Variants in ME1 observed in about 807,000 individuals in gnomAD.
The protein encoded by ME1 is malic enzyme 1, also known as NADP-dependent malic enzyme.
A neutral mutation model predicts 66.4 loss-of-function variants in ME1; 74 were observed. The observed-to-expected ratio is 1.11, with a 90% CI of 0.92 to 1.35. ME1 has a LOEUF of 1.35. ME1 is among the 40% of genes most tolerant of loss of function. The pLI is 0.00. For synonymous variants in ME1, 251 were observed against 235.6 expected (o/e 1.07, Z -0.60); for missense variants, 750 against 694.1 (o/e 1.08, Z -0.90).
chr6:83,325,865 C>A (rs1356403670), intron 5 of ME1, among the ~76,000 whole-genome samples: 1 of 149,408 alleles, frequency 6.7e-6, no homozygotes, highest in Non-Finnish European at 1.5e-5. Context: ...GAAAAAACTA[C>A]TTTAAATTTC....
chr6:83,347,262 T>C (rs1382027479), intron 4 of ME1, among the ~76,000 whole-genome samples: 9 of 152,210 alleles, frequency 5.9e-5, no homozygotes, highest in Non-Finnish European at 1.3e-4. Flanking sequence ...GCCTGTTTAG[T>C]TTATTTCTAA....
intron 7 of ME1, among the ~76,000 whole-genome samples, chr6:83,247,134 C>T (rs1005924277): frequency 3.3e-5 from 5 of 151,974 alleles, no homozygotes; most frequent in African/African-American, 1.2e-4. Flanking sequence ...ACAAGTCAAA[C>T]TAGTTTATTA....
In ME1 at chr6:83,212,001, C is replaced by G; in HGVS notation, c.1642G>C (p.Asp548His). The stretch of plus-strand genomic sequence containing the variant: ...CAATCAGGTAGAATCTGGTCATAAT[C>G]AGTACTATACATCTGGGAGCGGACA... The part of the protein sequence containing the change: ...AFVRSQMYST[D>H]YDQILPDCYS... Residue 548 changes from aspartate (D) to histidine (H), a missense_variant, in exon 14 of 14, where the codon GAT becomes CAT. Asp to His is a moderately conservative substitution (Grantham distance 81). Transcript: ENST00000369705. 2.5e-6 allele frequency: 4 copies of G among 1,611,850 alleles called. No homozygotes were observed. Among genetic ancestry groups the G allele is most frequent in the Non-Finnish European group, 2.5e-6 (3 of 1,178,638 alleles).
chr6:83,363,872 T>A (rs1381958196), intron 3 of ME1, among the ~76,000 whole-genome samples: 1 of 152,236 alleles, frequency 6.6e-6, no homozygotes, highest in Non-Finnish European at 1.5e-5. Context: ...GGTTGGGGAT[T>A]GGTGCATTTC....
At chr6:83,237,875 T>C in intron 8 of ME1, 45 bp from the exon 9 acceptor site, 2 of 1,035,722 alleles carry the variant, frequency 1.9e-6, no homozygotes, top group Non-Finnish European at 2.9e-6. Flanking sequence ...CTACATGATA[T>C]CTTATTAAGG....
chr6:83,347,146 G>A (rs935513109), intron 4 of ME1, among the ~76,000 whole-genome samples: 3 of 152,004 alleles, frequency 2.0e-5, no homozygotes, highest in African/African-American at 7.3e-5. Flanking sequence ...TAGAGACAGG[G>A]TTTCACCATG....
chr6:83,301,287 CCCT>C (rs949122737), intron 6 of ME1, among the ~76,000 whole-genome samples: 10 of 151,496 alleles, frequency 6.6e-5, no homozygotes, highest in Non-Finnish European at 1.2e-4. Context: ...CTCCGTCCCT[CCCT>C]CCTTTCTTTC....
At chr6:83,421,482 A>T (rs1224595134) in intron 1 of ME1, among the ~76,000 whole-genome samples, 1 of 152,236 alleles carries the variant, frequency 6.6e-6, no homozygotes, top group Non-Finnish European at 1.5e-5. Context: ...TGCGTTGAGC[A>T]GCTATTTGAA....
intron 6 of ME1, among the ~76,000 whole-genome samples, chr6:83,276,907 T>G (rs1767192235): frequency 6.6e-6 from 1 of 152,210 alleles, no homozygotes; most frequent in South Asian, 2.1e-4. Context: ...CTGTCACTGA[T>G]AACAAATTGT....
intron 3 of ME1, among the ~76,000 whole-genome samples, chr6:83,368,540 T>G (rs909744707): frequency 6.6e-5 from 10 of 152,210 alleles, no homozygotes; most frequent in Non-Finnish European, 1.5e-4. Flanking sequence ...GTCACTTTTA[T>G]GGCCACATTT....
chr6:83,355,599 G>T (rs577871280), intron 3 of ME1, among the ~76,000 whole-genome samples: 132 of 152,120 alleles, frequency 8.7e-4, no homozygotes, highest in African/African-American at 3.1e-3. Flanking sequence ...ATAAAGGACC[G>T]GTAACGTCCC....
At chr6:83,263,679 GA>G (rs1562463292) in intron 6 of ME1, among the ~76,000 whole-genome samples, 1 of 152,040 alleles carries the variant, frequency 6.6e-6, no homozygotes, top group Non-Finnish European at 1.5e-5. Context: ...GAAAGGTAAA[GA>G]AAATGCAGAA....
At chr6:83,393,945 T>TA (rs1769681428) in intron 3 of ME1, among the ~76,000 whole-genome samples, 1 of 152,084 alleles carries the variant, frequency 6.6e-6, no homozygotes, top group Non-Finnish European at 1.5e-5. Flanking sequence ...GTTTATGTAG[T>TA]ATGATTCCTT....
chr6:83,411,295 C>T (rs941742355), intron 1 of ME1, among the ~76,000 whole-genome samples: 1 of 151,252 alleles, frequency 6.6e-6, no homozygotes, highest in South Asian at 2.1e-4. Context: ...ACCTGGGAGG[C>T]GGAGGTTGCA....
At chr6:83,401,228 G>A (rs1434348858) in intron 2 of ME1, among the ~76,000 whole-genome samples, 4 of 152,202 alleles carry the variant, frequency 2.6e-5, no homozygotes, top group Non-Finnish European at 5.9e-5. Flanking sequence ...CTAGCTACTT[G>A]GAAGGGTGAG....
intron 10 of ME1, among the ~76,000 whole-genome samples, chr6:83,228,344 G>T (rs1214098065): frequency 6.6e-6 from 1 of 152,110 alleles, no homozygotes; most frequent in Non-Finnish European, 1.5e-5. Context: ...GACATTTTAG[G>T]CTGGATAATT....
chr6:83,210,763 T>C lies in ME1; in HGVS notation c.*1161A>G, dbSNP rs1373879235. The C allele has an allele frequency of 1.3e-5, 2 of 152,204 alleles. No individual in the cohort carries two copies. Among genetic ancestry groups the C allele is most frequent in the African/African-American group, 4.8e-5 (2 of 41,462 alleles). The allele number at this position is 152,204 out of a possible 1,614,324, so 9.4% of individuals were successfully genotyped here. A position where few individuals can be genotyped will look rare whatever the true frequency, so the allele number is the denominator to read the frequency against. ...AGCAAATGTTATTGCACCTTAGCTT[T>C]ATAATTTAAAATTTTTTCCATTACT... is the stretch of plus-strand genomic sequence containing the variant. On this transcript the variant is annotated 3_prime_UTR_variant, in exon 14 of 14. Transcript: ENST00000369705.
At chr6:83,218,798 G>A (rs933970472) in intron 12 of ME1, among the ~76,000 whole-genome samples, 4 of 152,130 alleles carry the variant, frequency 2.6e-5, no homozygotes, top group Middle Eastern at 3.2e-3. Flanking sequence ...TCTCAGAGTC[G>A]AGCCAAACAT....
chr6:83,220,979 T>C (rs546723843), intron 12 of ME1, among the ~76,000 whole-genome samples: 15 of 152,188 alleles, frequency 9.9e-5, no homozygotes, highest in African/African-American at 3.6e-4. Flanking sequence ...GCCAACATGG[T>C]GAAACCCCGT....
Sources: gnomAD v4.1 joint callset for allele counts (sites outside exome capture counted in the v4.1 genomes callset) on GRCh38, gnomAD v4.1.1 for gene constraint, MANE v1.5 for transcripts, NCBI Gene and HGNC (gene_info 2026-07-23, HGNC 2026-07-21) for gene names.